RAB27B: variants seen among roughly 807,000 people sequenced by gnomAD.
The protein encoded by RAB27B is RAB27B, member RAS oncogene family.
In RAB27B, 15 loss-of-function variants were observed where a neutral mutation model predicts 24.6. The observed-to-expected ratio is 0.61, with a 90% CI of 0.41 to 0.94. The LOEUF (loss-of-function observed/expected upper bound fraction) is 0.94, where lower values mean the gene tolerates loss of function less well. Ranked by LOEUF, RAB27B falls within the 40% of genes least tolerant of loss-of-function variation. RAB27B has a pLI of 0.00. For missense variants in RAB27B, 261 were observed against 266.8 expected (o/e 0.98, Z 0.15); for synonymous variants, 105 against 92.5 (o/e 1.14, Z -0.78).
intron 2 of RAB27B, chr18:54,744,652 C>T (rs1324541571): frequency 6.6e-6 from 1 of 152,150 alleles, no homozygotes; most frequent in Non-Finnish European, 1.5e-5. Context: ...AATTATGTGT[C>T]AGTTAAAAAT....
intron 2 of RAB27B, among the ~76,000 whole-genome samples, chr18:54,795,190 A>G (rs1427022299): frequency 6.6e-6 from 1 of 152,190 alleles, no homozygotes; most frequent in East Asian, 1.9e-4. Context: ...AAGAGAGTTG[A>G]AGTATAGCTT....
At chr18:54,740,813 TGATA>T (rs959773550) in intron 2 of RAB27B, among the ~76,000 whole-genome samples, 3 of 152,076 alleles carry the variant, frequency 2.0e-5, no homozygotes, top group African/African-American at 7.2e-5. Context: ...CATAGACAGA[TGATA>T]GATAGATAGA....
chr18:54,801,799 T>C (rs183139316), intron 2 of RAB27B, among the ~76,000 whole-genome samples: 1 of 152,336 alleles, frequency 6.6e-6, no homozygotes, highest in Non-Finnish European at 1.5e-5. Flanking sequence ...TTGGGACCTT[T>C]GATCTAGATT....
intron 2 of RAB27B, among the ~76,000 whole-genome samples, chr18:54,787,619 A>T (rs1909127789): frequency 2.0e-5 from 3 of 152,170 alleles, no homozygotes; most frequent in Non-Finnish European, 4.4e-5. Context: ...TTTTTAAAAG[A>T]TAAAATCTAA....
intron 2 of RAB27B, among the ~76,000 whole-genome samples, chr18:54,749,746 A>G (rs532516777): frequency 1.2e-4 from 18 of 152,332 alleles, no homozygotes; most frequent in African/African-American, 4.3e-4. Flanking sequence ...AAGGAGAGCT[A>G]ATACAGAAGG....
chr18:54,884,217 T>C (rs1913039236), intron 3 of RAB27B, 116 bp from the exon 4 acceptor site: 2 of 619,848 alleles, frequency 3.2e-6, no homozygotes, highest in South Asian at 2.0e-5. Context: ...TTCCCTAAGA[T>C]ATTCCATAAG....
At chr18:54,817,315 A>G (rs75890809) in intron 2 of RAB27B, among the ~76,000 whole-genome samples, 2 of 152,172 alleles carry the variant, frequency 1.3e-5, no homozygotes, top group East Asian at 3.9e-4. Context: ...TCTTTGGCAG[A>G]ACTTGGAGTA....
At chr18:54,834,705 A>G (rs940236967) in intron 1 of RAB27B, among the ~76,000 whole-genome samples, 1 of 151,736 alleles carries the variant, frequency 6.6e-6, no homozygotes, top group African/African-American at 2.4e-5. Context: ...GTGTGCATGT[A>G]TGTAAACATG....
chr18:54,718,637 T>C (rs182624113), intron 2 of RAB27B, among the ~76,000 whole-genome samples: 3 of 152,306 alleles, frequency 2.0e-5, no homozygotes, highest in Admixed American at 2.0e-4. Context: ...ATATACCATA[T>C]ACTTTTTCCT....
At chr18:54,838,018 A>G (rs1910962273) in intron 1 of RAB27B, among the ~76,000 whole-genome samples, 1 of 152,144 alleles carries the variant, frequency 6.6e-6, no homozygotes. Flanking sequence ...GATTGAATCA[A>G]GTGATTCTGG....
intron 1 of RAB27B, among the ~76,000 whole-genome samples, chr18:54,847,710 T>A (rs768042565): frequency 9.2e-5 from 14 of 152,216 alleles, no homozygotes; most frequent in Non-Finnish European, 1.8e-4. Flanking sequence ...AACAGAAGAC[T>A]GAGTAAAAGC....
intron 2 of RAB27B, among the ~76,000 whole-genome samples, chr18:54,802,796 G>A (rs1909651638): frequency 6.6e-6 from 1 of 152,196 alleles, no homozygotes; most frequent in Admixed American, 6.5e-5. Flanking sequence ...GTCATTCTGT[G>A]AAACTTTAGG....
intron 1 of RAB27B, among the ~76,000 whole-genome samples, chr18:54,837,767 T>C (rs538387795): frequency 2.0e-5 from 3 of 152,304 alleles, no homozygotes; most frequent in African/African-American, 7.2e-5. Flanking sequence ...TTTAAGGTTA[T>C]ATATCTAATT....
upstream of RAB27B, among the ~76,000 whole-genome samples, chr18:54,824,974 T>C (rs1476470194): frequency 1.3e-5 from 2 of 152,198 alleles, no homozygotes; most frequent in Non-Finnish European, 2.9e-5. Context: ...TCTTTCTTGA[T>C]TTATAAGCTT....
chr18:54,798,686 G>A (rs1419151797), intron 2 of RAB27B, among the ~76,000 whole-genome samples: 4 of 152,204 alleles, frequency 2.6e-5, no homozygotes, highest in Non-Finnish European at 5.9e-5. Context: ...TTAATATGAA[G>A]ATGATAGGAC....
chr18:54,879,310 GA>G, intron 2 of RAB27B, 58 bp from the exon 3 acceptor site: 3 of 1,314,818 alleles, frequency 2.3e-6, no homozygotes, highest in Non-Finnish European at 3.3e-6. Flanking sequence ...TGAACCCAAA[GA>G]ATTTGAGTGC....
chr18:54,859,195 T>A (rs1270787184), intron 1 of RAB27B, among the ~76,000 whole-genome samples: 1 of 152,318 alleles, frequency 6.6e-6, no homozygotes, highest in East Asian at 1.9e-4. Flanking sequence ...GCAAAGCTAT[T>A]TCATAACAAC....
At chr18:54,743,649 C>T (rs1226644429) in intron 2 of RAB27B, among the ~76,000 whole-genome samples, 3 of 152,124 alleles carry the variant, frequency 2.0e-5, no homozygotes, top group African/African-American at 7.2e-5. Flanking sequence ...TGTCACATTC[C>T]AGGAAGAGCA....
At chr18:54,839,397 A>G (rs1487978170) in intron 1 of RAB27B, among the ~76,000 whole-genome samples, 9 of 152,198 alleles carry the variant, frequency 5.9e-5, no homozygotes, top group Admixed American at 2.0e-4. Flanking sequence ...TGCCATAAAT[A>G]AACACAGCAT....
Sources: allele counts gnomAD v4.1 joint callset (sites outside exome capture counted in the v4.1 genomes callset), GRCh38; gene constraint gnomAD v4.1.1; transcripts MANE v1.5; gene names NCBI Gene and HGNC (gene_info 2026-07-23, HGNC 2026-07-21).